ZC4H2: variants seen among roughly 807,000 people sequenced by gnomAD.
The protein encoded by ZC4H2 is zinc finger C4H2 domain-containing protein.
For synonymous variants in ZC4H2, 84 were observed against 66.3 expected (o/e 1.27, Z -1.30); for missense variants, 137 against 173.9 (o/e 0.79, Z 1.19).
chrX:64,961,715 A>C (rs1177854861), intron 1 of ZC4H2, among the ~76,000 whole-genome samples: 1 of 111,461 alleles, frequency 9.0e-6, no homozygotes, highest in Non-Finnish European at 1.9e-5. Context: ...AACTAATTGA[A>C]ATCAGAGATG....
chrX:65,005,269 C>T (rs1361611212), intron 1 of ZC4H2, among the ~76,000 whole-genome samples: 1 of 110,913 alleles, frequency 9.0e-6, no homozygotes, highest in East Asian at 2.8e-4. Flanking sequence ...GCCCTCATAC[C>T]CAAGACAATT....
upstream of ZC4H2, among the ~76,000 whole-genome samples, chrX:64,980,629 C>T (rs1332740342): frequency 8.9e-6 from 1 of 111,826 alleles, no homozygotes; most frequent in Non-Finnish European, 1.9e-5. Context: ...AAAAACTTCA[C>T]AGGAAGTATA....
intron 1 of ZC4H2, among the ~76,000 whole-genome samples, chrX:64,969,095 G>A (rs1382107938): frequency 8.9e-6 from 1 of 111,877 alleles, no homozygotes. Flanking sequence ...TTCCCGAAAG[G>A]TCTCTCCTCT....
chrX:64,956,937 C>T (rs1844331491), intron 1 of ZC4H2, among the ~76,000 whole-genome samples: 1 of 112,176 alleles, frequency 8.9e-6, no homozygotes, highest in Non-Finnish European at 1.9e-5. Flanking sequence ...ACATCAATGA[C>T]TAAAGTTTTG....
chrX:64,983,892 A>G (rs1932129097), intron 1 of ZC4H2, among the ~76,000 whole-genome samples: 2 of 111,842 alleles, frequency 1.8e-5, no homozygotes, highest in Non-Finnish European at 3.8e-5. Flanking sequence ...TGTCTTCTTG[A>G]CCCAACATTT....
intron 1 of ZC4H2, among the ~76,000 whole-genome samples, chrX:65,008,443 C>T (rs899005659): frequency 1.8e-5 from 2 of 111,884 alleles, no homozygotes; most frequent in Non-Finnish European, 3.8e-5. Context: ...ACCATATGAT[C>T]GGGCAATCCC....
At chrX:64,937,933 C>G (rs984084924) in intron 1 of ZC4H2, among the ~76,000 whole-genome samples, 6 of 111,242 alleles carry the variant, frequency 5.4e-5, no homozygotes, top group African/African-American at 2.0e-4. Flanking sequence ...TAACTAAGAT[C>G]AGAACAGAAC....
At chrX:65,023,854 C>A (rs1932855286) in intron 1 of ZC4H2, among the ~76,000 whole-genome samples, 1 of 111,765 alleles carries the variant, frequency 8.9e-6, no homozygotes, top group African/African-American at 3.3e-5. Flanking sequence ...CTGGAACCAA[C>A]CCAAATGCCC....
intron 1 of ZC4H2, among the ~76,000 whole-genome samples, chrX:64,963,190 T>C (rs974580132): frequency 1.2e-4 from 13 of 111,858 alleles, no homozygotes; most frequent in African/African-American, 3.9e-4. Context: ...CAAGAAATGA[T>C]AGTCCTTTCA....
intron 1 of ZC4H2, among the ~76,000 whole-genome samples, chrX:64,965,205 C>T (rs1001261704): frequency 5.4e-5 from 6 of 111,644 alleles, no homozygotes; most frequent in Non-Finnish European, 9.4e-5. Context: ...AAATTCAAAG[C>T]GCCTAGAATA....
At position 64,917,837 on chromosome X, in the gene ZC4H2, C is replaced by T; in HGVS notation, c.621G>A (p.Lys207=). ...TGGGGTTCCGGGACCGACTCTTGGCCTTGCAAAGAGGGCATATAGGTGCAT... is the reference window on the plus strand; with the variant it reads ...TGGGGTTCCGGGACCGACTCTTGGCTTTGCAAAGAGGGCATATAGGTGCAT... ...HRNAPICPLC[K]AKSRSRNPKK... is the part of the protein sequence containing the mutation. The change falls in exon 5 of 5, where the codon AAG becomes AAA. Residue 207 remains lysine (K), a synonymous_variant. Transcript: ENST00000374839. The T allele has an allele frequency of 8.3e-7, 1 of 1,211,040 alleles. No homozygotes were observed. Among genetic ancestry groups the T allele is most frequent in the Non-Finnish European group, 1.1e-6 (1 of 895,232 alleles).
At chrX:64,987,871 C>T (rs1398799688) in intron 1 of ZC4H2, among the ~76,000 whole-genome samples, 2 of 92,717 alleles carry the variant, frequency 2.2e-5, no homozygotes, top group Non-Finnish European at 4.3e-5. Context: ...TCTCCTAATG[C>T]TATCCCTCCC....
intron 1 of ZC4H2, among the ~76,000 whole-genome samples, chrX:65,000,104 C>T (rs1932506037): frequency 1.8e-5 from 2 of 112,481 alleles, no homozygotes; most frequent in Admixed American, 1.9e-4. Flanking sequence ...AAGGGATAGA[C>T]TGCTTCCTAA....
intron 1 of ZC4H2, among the ~76,000 whole-genome samples, chrX:64,940,439 T>C (rs1159890199): frequency 8.9e-6 from 1 of 112,032 alleles, no homozygotes; most frequent in Non-Finnish European, 1.9e-5. Flanking sequence ...TTTGCTTTCA[T>C]TGCAATTGCT....
chrX:64,947,454 C>A (rs952716350), intron 1 of ZC4H2, among the ~76,000 whole-genome samples: 1 of 111,971 alleles, frequency 8.9e-6, no homozygotes, highest in Admixed American at 9.5e-5. Context: ...AGACTGTATA[C>A]CTAGGCTAAA....
At chrX:65,028,495 G>T (rs1046440762) in intron 1 of ZC4H2, among the ~76,000 whole-genome samples, 1 of 110,939 alleles carries the variant, frequency 9.0e-6, no homozygotes, top group African/African-American at 3.3e-5. Flanking sequence ...CTGTGAGAAG[G>T]TGAAATCATT....
rs1304336375 is a variant in ZC4H2, at chrX:64,983,984, AT to A, written c.-272+50644del. On this transcript the variant is annotated intron_variant, in intron 1 of 4. Transcript: ENST00000337990. ...GGGGGTACATGTGCTTGTTTGTTACATGGATATTATATGCATAATGGTGGGG... is the reference window on the plus strand; with the variant it reads ...GGGGGTACATGTGCTTGTTTGTTACAGGATATTATATGCATAATGGTGGGG... Among the ~76,000 whole-genome samples the A allele has an allele frequency of 2.7e-5, 3 of 111,533 alleles. No individual in the cohort carries two copies. In the Admixed American group the frequency reaches 2.9e-4, roughly 11 times the overall value.
chrX:64,919,083 G>A lies in ZC4H2; in HGVS notation c.520C>T (p.Arg174Trp), dbSNP rs773008023. 2 of 1,190,829 alleles carry A rather than the reference G, an allele frequency of 1.7e-6. No homozygotes were observed. Among genetic ancestry groups the A allele is most frequent in the South Asian group, 1.9e-5 (1 of 53,960 alleles). ...TGCTGCCTGAAGGTGGCCGTCTGCC[G>A]AGTATCCTGCTTCCTAGCCACTTGG... ...QLQVARKQDTRQTATFRQQPP... is the reference protein window; with the variant it reads ...QLQVARKQDTWQTATFRQQPP... The change falls in exon 4 of 5, where the codon CGG (arginine) becomes TGG (tryptophan). Residue 174 changes from arginine to tryptophan, a missense_variant. Arg to Trp is a moderately radical substitution (Grantham distance 101, BLOSUM62 -3). Coordinates refer to ENST00000374839, the MANE Select transcript of ZC4H2 (RefSeq NM_018684.4).
At chrX:64,949,754 C>T (rs753993736) in intron 1 of ZC4H2, among the ~76,000 whole-genome samples, 1 of 111,112 alleles carries the variant, frequency 9.0e-6, no homozygotes, top group South Asian at 3.8e-4. Context: ...CTTTATTAGT[C>T]TTGCTATCGG....
Sources: allele counts gnomAD v4.1 joint callset (sites outside exome capture counted in the v4.1 genomes callset), GRCh38; gene constraint gnomAD v4.1.1; transcripts MANE v1.5; gene names NCBI Gene and HGNC (gene_info 2026-07-23, HGNC 2026-07-21).